The following TNS3 variants were observed in gnomAD, a reference collection of about 807,000 sequenced individuals.
TNS3 encodes tensin 3.
Under a neutral mutation model 140.9 loss-of-function variants are expected in TNS3, and 45 were observed. The observed-to-expected ratio is 0.32, with a 90% CI of 0.25 to 0.41. TNS3 has a LOEUF of 0.41. TNS3 is among the 10% of genes least tolerant of loss of function. The probability of loss-of-function intolerance (pLI) is 1.00; values close to 1 mark genes in which losing one functional copy is unlikely to be tolerated. For synonymous variants in TNS3, 815 were observed against 788.4 expected, an observed-to-expected ratio of 1.03 and a Z score of -0.56; for missense variants, 1,716 against 1,906.7, an observed-to-expected ratio of 0.90 and a Z score of 1.86.
At chr7:47,538,770 G>C (rs950008597) in intron 1 of TNS3, among the ~76,000 whole-genome samples, 2 of 152,064 alleles carry the variant, frequency 1.3e-5, no homozygotes. Context: ...AGACAAGCAG[G>C]CATTCTCATT....
chr7:47,338,317 C>T (rs189699327), intron 20 of TNS3, among the ~76,000 whole-genome samples: 15 of 152,310 alleles, frequency 9.8e-5, no homozygotes, highest in Admixed American at 3.9e-4. Flanking sequence ...CCTCCAGCAA[C>T]GTATAAGGGG....
At chr7:47,369,772 A>G (rs1219054020) in intron 16 of TNS3, 151 bp from the exon 17 acceptor site, 2 of 918,690 alleles carry the variant, frequency 2.2e-6, no homozygotes, top group East Asian at 2.7e-5. Flanking sequence ...CTAACATCAC[A>G]AAGTTCTATA....
At chr7:47,481,665 T>C in intron 3 of TNS3, 1 of 985,398 alleles carries the variant, frequency 1.0e-6, no homozygotes, top group Non-Finnish European at 1.2e-6. Flanking sequence ...GGTTATTCCA[T>C]TCCGCACAAG....
Position 47,415,149 on chromosome 7 carries a change from G to T in TNS3, c.531C>A (p.Pro177=). The T allele has an allele frequency of 6.2e-7, 1 of 1,611,766 alleles. No homozygotes were observed. Residue 177 remains proline (P), a synonymous_variant, in exon 11 of 31, where the codon CCC becomes CCA. Coordinates refer to ENST00000311160, the MANE Select transcript of TNS3 (RefSeq NM_022748.12). The part of the protein sequence containing the change: ...LSGSVKMNAS[P]LFLHFVILHG... ...GGAGGATGACAAAATGCAGGAACAGGGGAGAGGCATTCATTTTCACCGATC... is the reference window on the plus strand; with the variant it reads ...GGAGGATGACAAAATGCAGGAACAGTGGAGAGGCATTCATTTTCACCGATC...
chr7:47,580,002 T>C (rs894726627), intron 1 of TNS3: 35 of 126,174 alleles, frequency 2.8e-4, no homozygotes, highest in African/African-American at 9.0e-4. Flanking sequence ...AGAGACACTT[T>C]GTTAAAAAAA....
intron 17 of TNS3, among the ~76,000 whole-genome samples, chr7:47,361,437 G>A (rs531564006): frequency 6.6e-6 from 1 of 152,156 alleles, no homozygotes; most frequent in South Asian, 2.1e-4. Context: ...GCCTCACAAG[G>A]CCTGGCTGAG....
chr7:47,419,467 G>A (rs1182828253), intron 10 of TNS3, among the ~76,000 whole-genome samples: 3 of 152,242 alleles, frequency 2.0e-5, no homozygotes, highest in Non-Finnish European at 4.4e-5. Context: ...CCTCCTAGCT[G>A]CCCTTGGCTA....
At chr7:47,386,611 G>T (rs1313547296) in intron 16 of TNS3, among the ~76,000 whole-genome samples, 1 of 152,242 alleles carries the variant, frequency 6.6e-6, no homozygotes, top group Non-Finnish European at 1.5e-5. Flanking sequence ...CAGGCTCTAG[G>T]TATATGGCTG....
At chr7:47,406,785 C>T (rs1024225726) in intron 13 of TNS3, among the ~76,000 whole-genome samples, 4 of 152,144 alleles carry the variant, frequency 2.6e-5, no homozygotes, top group African/African-American at 9.7e-5. Flanking sequence ...CAGAAAAGGC[C>T]CTGTAACTTC....
chr7:47,415,171 G>T lies in TNS3; in HGVS notation c.509C>A (p.Ser170Ter). The change falls in exon 11 of 31, where the codon TCG (serine) becomes TAG (stop). Residue 170 changes from serine (S) to a stop codon, truncating the protein, a stop_gained. Coordinates refer to ENST00000311160, the MANE Select transcript of TNS3 (RefSeq NM_022748.12). LOFTEE classifies it high-confidence loss of function. ...CAGGGGAGAGGCATTCATTTTCACCGATCCGGACAGGAGCCCACTGAGGAA... is the reference window on the plus strand; with the variant it reads ...CAGGGGAGAGGCATTCATTTTCACCTATCCGGACAGGAGCCCACTGAGGAA... The part of the protein sequence containing the change: ...VQFLSGLLSG[S>*]VKMNASPLFL... 1 of 1,610,498 alleles carries T rather than the reference G, an allele frequency of 6.2e-7. No homozygotes were observed. Among genetic ancestry groups the T allele is most frequent in the Non-Finnish European group, 8.5e-7 (1 of 1,178,640 alleles).
At chr7:47,482,456 A>C (rs927792001) in intron 3 of TNS3, among the ~76,000 whole-genome samples, 1 of 149,360 alleles carries the variant, frequency 6.7e-6, no homozygotes, top group African/African-American at 2.4e-5. Context: ...TGAGAGAATA[A>C]GTAAACAAAT....
chr7:47,577,109 AGGTGTCCCC>A (rs974722037), intron 1 of TNS3, among the ~76,000 whole-genome samples: 32 of 152,182 alleles, frequency 2.1e-4, no homozygotes, highest in Admixed American at 1.1e-3. Context: ...GTCCACCTGG[AGGTGTCCCC>A]GGTGTCCCCA....
chr7:47,390,150 A>C (rs1046944280), intron 16 of TNS3, among the ~76,000 whole-genome samples: 2 of 152,234 alleles, frequency 1.3e-5, no homozygotes, highest in African/African-American at 4.8e-5. Flanking sequence ...TGTATACCCA[A>C]GCACTCAGCA....
At chr7:47,575,600 G>C (rs989324422) in intron 1 of TNS3, among the ~76,000 whole-genome samples, 1 of 152,076 alleles carries the variant, frequency 6.6e-6, no homozygotes, top group Non-Finnish European at 1.5e-5. Context: ...CGGATCATGA[G>C]GTCAGGAGAT....
At position 47,477,788 on chromosome 7, in the gene TNS3, A is replaced by C. The variant is rs373025177; in HGVS notation, c.-76+3315T>G. 4.6e-5 allele frequency among the ~76,000 whole-genome samples: 7 copies of C among 152,174 alleles called. No individual in the cohort carries two copies. In the South Asian group the frequency reaches 1.4e-3, roughly 32 times the overall value. On this transcript the variant is annotated intron_variant, in intron 4 of 30. Transcript: ENST00000311160. ...CCCAGACAGGATCAGGAAAGAAAAAAAAGATTCTGTGCTTTCTGCCCTGAG... is the reference window on the plus strand; with the variant it reads ...CCCAGACAGGATCAGGAAAGAAAAACAAGATTCTGTGCTTTCTGCCCTGAG...
chr7:47,368,819 G>A lies in TNS3; in HGVS notation c.1827C>T (p.Ala609=). ...HQYSFAPDGE[A]RLVSRCPADN... ...CTGCAGGGCAGCGGCTCACCAGCCG[G>A]GCCTCCCCATCTGGGGCGAAGCTAT... The change falls in exon 17 of 31, where the codon GCC becomes GCT. Residue 609 remains alanine (A), a synonymous_variant. Transcript: ENST00000311160. The A allele has an allele frequency of 6.2e-7, 1 of 1,612,140 alleles. No homozygotes were observed. The highest frequency in any genetic ancestry group is 8.5e-7 in the Non-Finnish European group (1 of 1,179,450).
intron 20 of TNS3, among the ~76,000 whole-genome samples, chr7:47,338,241 T>G (rs1263726411): frequency 3.3e-5 from 5 of 152,334 alleles, no homozygotes; most frequent in Admixed American, 1.3e-4. Context: ...ATGGCAGATG[T>G]AGGTTTTTCA....
At chr7:47,334,204 C>T (rs1323702860) in intron 20 of TNS3, among the ~76,000 whole-genome samples, 1 of 152,180 alleles carries the variant, frequency 6.6e-6, no homozygotes, top group East Asian at 1.9e-4. Context: ...TGGAGGCAAT[C>T]CTCCCAGCCC....
At chr7:47,514,574 T>C (rs1183645837) in intron 2 of TNS3, among the ~76,000 whole-genome samples, 1 of 152,130 alleles carries the variant, frequency 6.6e-6, no homozygotes, top group Non-Finnish European at 1.5e-5. Flanking sequence ...CCTTGCTTCT[T>C]TTCTCCTTTC....
Sources: gnomAD v4.1 joint callset for allele counts (sites outside exome capture counted in the v4.1 genomes callset) on GRCh38, gnomAD v4.1.1 for gene constraint, MANE v1.5 for transcripts, NCBI Gene and HGNC (gene_info 2026-07-23, HGNC 2026-07-21) for gene names.